SPON1: variants seen among roughly 807,000 people sequenced by gnomAD.
SPON1 encodes spondin 1.
SPON1 carries 52 observed loss-of-function variants against 111.7 expected under a neutral mutation model. The observed-to-expected ratio is 0.47, with a 90% CI of 0.37 to 0.59. SPON1 has a LOEUF of 0.59. SPON1 is among the 20% of genes least tolerant of loss of function. The pLI is 0.00. For missense variants in SPON1, 957 were observed against 1,068.5 expected (o/e 0.90, Z 1.46); for synonymous variants, 410 against 395.8 (o/e 1.04, Z -0.43).
rs190764554 is a variant in SPON1, at chr11:14,103,208, T to C, written c.676+23187T>C. On this transcript the variant is annotated intron_variant, in intron 5 of 15. Transcript: ENST00000576479. The stretch of plus-strand genomic sequence containing the variant: ...GGTAACTTATTCAGTTAAGGATTCA[T>C]CCTGACACTCTTAGAACAAAGCAGG... 3.7e-3 allele frequency among the ~76,000 whole-genome samples: 557 copies of C among 152,232 alleles called. 4 individuals are homozygous for C. The highest frequency in any genetic ancestry group is 0.013 in the African/African-American group (529 of 41,536).
At chr11:14,243,155 C>T (rs782718317) in intron 6 of SPON1, among the ~76,000 whole-genome samples, 177 bp from the exon 7 acceptor site, 9 of 152,320 alleles carry the variant, frequency 5.9e-5, no homozygotes, top group Middle Eastern at 3.4e-3. Flanking sequence ...TCCCCTCTCC[C>T]GGTATCACTG....
chr11:14,030,729 A>G (rs1554915949), intron 2 of SPON1, among the ~76,000 whole-genome samples: 1 of 152,202 alleles, frequency 6.6e-6, no homozygotes, highest in East Asian at 1.9e-4. Flanking sequence ...GGCTGCGGAG[A>G]AAAGGGAACA....
At chr11:14,110,106 C>T (rs1849216378) in intron 5 of SPON1, among the ~76,000 whole-genome samples, 1 of 152,166 alleles carries the variant, frequency 6.6e-6, no homozygotes, top group African/African-American at 2.4e-5. Flanking sequence ...ATCAGTTATC[C>T]TACTGGCCAT....
chr11:14,172,723 A>G (rs1848121511), intron 6 of SPON1, among the ~76,000 whole-genome samples: 1 of 151,778 alleles, frequency 6.6e-6, no homozygotes, highest in Non-Finnish European at 1.5e-5. Flanking sequence ...GCTTGTCTGT[A>G]AAGTATTTTA....
At chr11:14,180,766 T>C (rs1848229090) in intron 6 of SPON1, among the ~76,000 whole-genome samples, 6 of 152,140 alleles carry the variant, frequency 3.9e-5, no homozygotes. Flanking sequence ...GTTGTATATA[T>C]TTGCCTTCTC....
intron 5 of SPON1, among the ~76,000 whole-genome samples, chr11:14,104,800 G>T (rs1849172416): frequency 6.6e-6 from 1 of 151,890 alleles, no homozygotes; most frequent in South Asian, 2.1e-4. Context: ...AGTCAGTGCT[G>T]GTCCATTAGT....
intron 2 of SPON1, among the ~76,000 whole-genome samples, chr11:13,997,805 G>C (rs1428223989): frequency 5.9e-5 from 9 of 152,152 alleles, no homozygotes; most frequent in African/African-American, 1.9e-4. Context: ...TTCAATGTGG[G>C]TGGTTGGCTG....
chr11:14,016,161 T>G (rs548763667), intron 2 of SPON1, among the ~76,000 whole-genome samples: 4 of 152,358 alleles, frequency 2.6e-5, no homozygotes, highest in Non-Finnish European at 5.9e-5. Context: ...GGAACTTCCT[T>G]TCTTTTTGGG....
chr11:14,194,177 C>A (rs1554934829), intron 6 of SPON1, among the ~76,000 whole-genome samples: 1 of 152,128 alleles, frequency 6.6e-6, no homozygotes, highest in Admixed American at 6.5e-5. Flanking sequence ...TCCACTCATC[C>A]CTCACTGGTG....
intron 6 of SPON1, among the ~76,000 whole-genome samples, chr11:14,206,168 G>A (rs531879268): frequency 9.2e-5 from 14 of 152,012 alleles, no homozygotes; most frequent in African/African-American, 2.2e-4. Context: ...TTTCCAGTAT[G>A]TGAGATGTGA....
chr11:14,036,914 CAGAAGCTT>C (rs2133811415), intron 2 of SPON1, among the ~76,000 whole-genome samples: 1 of 77,364 alleles, frequency 1.3e-5, no homozygotes, highest in East Asian at 4.3e-4. Flanking sequence ...TTAAGCATTG[CAGAAGCTT>C]AGCTAGAGTT....
chr11:14,261,416 A>G (rs1343668510), intron 14 of SPON1, among the ~76,000 whole-genome samples: 1 of 152,176 alleles, frequency 6.6e-6, no homozygotes, highest in African/African-American at 2.4e-5. Flanking sequence ...GCAGTCGTTC[A>G]TCCTCCCTCC....
At chr11:14,170,379 C>A (rs1554932311) in intron 6 of SPON1, among the ~76,000 whole-genome samples, 1 of 152,176 alleles carries the variant, frequency 6.6e-6, no homozygotes, top group African/African-American at 2.4e-5. Context: ...TGCTTATCAG[C>A]TTCAGGAGAT....
At chr11:13,971,883 A>G (rs1848065767) in intron 1 of SPON1, among the ~76,000 whole-genome samples, 2 of 152,204 alleles carry the variant, frequency 1.3e-5, no homozygotes, top group African/African-American at 2.4e-5. Flanking sequence ...GGTGGCCACA[A>G]TCACAGACTG....
intron 2 of SPON1, among the ~76,000 whole-genome samples, chr11:14,012,860 GTGTT>G (rs1224754896): frequency 6.6e-6 from 1 of 152,170 alleles, no homozygotes; most frequent in African/African-American, 2.4e-5. Flanking sequence ...TAGTTAATAA[GTGTT>G]TGTTGAACAA....
chr11:14,104,950 G>T (rs1256422030), intron 5 of SPON1, among the ~76,000 whole-genome samples: 1 of 152,022 alleles, frequency 6.6e-6, no homozygotes, highest in East Asian at 1.9e-4. Flanking sequence ...TGAAGTCCTT[G>T]TCTACTTATG....
intron 2 of SPON1, among the ~76,000 whole-genome samples, chr11:14,007,205 A>G (rs1848369031): frequency 6.6e-6 from 1 of 152,208 alleles, no homozygotes. Context: ...TTTTATGAGA[A>G]TTGAATGCCG....
chr11:14,215,982 T>C (rs116772582), intron 6 of SPON1, among the ~76,000 whole-genome samples: 6,142 of 152,316 alleles, frequency 0.04, 428 homozygotes, highest in African/African-American at 0.14. Context: ...ATTGGCTAAA[T>C]GTTAGTCACA....
intron 6 of SPON1, among the ~76,000 whole-genome samples, chr11:14,239,809 C>T (rs188974454): frequency 6.6e-6 from 1 of 152,214 alleles, no homozygotes; most frequent in Non-Finnish European, 1.5e-5. Flanking sequence ...TGCTTCTCAA[C>T]TATGCTACTT....
Sources: allele counts gnomAD v4.1 joint callset (sites outside exome capture counted in the v4.1 genomes callset), GRCh38; gene constraint gnomAD v4.1.1; transcripts MANE v1.5; gene names NCBI Gene and HGNC (gene_info 2026-07-23, HGNC 2026-07-21).